Variants in SLC35E4 observed in about 807,000 individuals in gnomAD.
SLC35E4 encodes the protein solute carrier family 35, member E4.
Under a neutral mutation model 19.3 loss-of-function variants are expected in SLC35E4, and 15 were observed. That is an observed-to-expected ratio of 0.78 (90% confidence interval 0.52 to 1.20). The LOEUF is 1.20. Among genes scored for constraint, SLC35E4 ranks in the 50% most tolerant of loss-of-function variants. The probability of loss-of-function intolerance (pLI) is 0.00; values close to 1 mark genes in which losing one functional copy is unlikely to be tolerated. For synonymous variants in SLC35E4, 219 were observed against 219.9 expected, an observed-to-expected ratio of 1.00 and a Z score of 0.04; for missense variants, 406 against 472.3, an observed-to-expected ratio of 0.86 and a Z score of 1.30.
chr22:30,663,063 TG>T, exon 3 of SLC35E4: 1 of 200,110 alleles, frequency 5.0e-6, no homozygotes, highest in African/African-American at 2.3e-5. Flanking sequence ...GCTCTGGGTG[TG>T]AAAGAATGAG....
chr22:30,651,427 A>ATATATAT (rs1569062159), downstream of SLC35E4, among the ~76,000 whole-genome samples: 1 of 22,166 alleles, frequency 4.5e-5, no homozygotes, highest in Admixed American at 8.5e-4. Context: ...ATATATATAT[A>ATATATAT]TTTTTTTTTT....
chr22:30,642,635 G>A (rs2088061684), intron 1 of SLC35E4, among the ~76,000 whole-genome samples: 1 of 151,770 alleles, frequency 6.6e-6, no homozygotes, highest in South Asian at 2.1e-4. Flanking sequence ...CAGCTACTCG[G>A]GAGGCTGAGG....
chr22:30,648,549 C>T (rs150956510), downstream of SLC35E4, among the ~76,000 whole-genome samples: 627 of 152,202 alleles, frequency 4.1e-3, 11 homozygotes, highest in East Asian at 0.067. Context: ...GTCAGGGGTT[C>T]GAGACCAGCC....
downstream of SLC35E4, chr22:30,665,621 C>T: frequency 2.2e-6 from 1 of 458,370 alleles, no homozygotes. Flanking sequence ...ACCAACTCTG[C>T]TCCAGGCTTT....
Position 30,646,800 on chromosome 22 carries a change from C to T in SLC35E4, c.822C>T (p.Ser274=). ...LSVLYNLASF[S]LLALTSALTV... is the part of the protein sequence containing the mutation. ...TTCTCTATAACCTGGCCAGCTTCTCCCTGCTGGCCCTCACCTCTGCCCTCA... is the reference window on the plus strand; with the variant it reads ...TTCTCTATAACCTGGCCAGCTTCTCTCTGCTGGCCCTCACCTCTGCCCTCA... The change falls in exon 2 of 2, where the codon TCC becomes TCT. Residue 274 remains serine (S), a synonymous_variant. Coordinates refer to ENST00000343605, the MANE Select transcript of SLC35E4 (RefSeq NM_001001479.4). The T allele has an allele frequency of 6.2e-7, 1 of 1,614,208 alleles. No homozygotes were observed. Among genetic ancestry groups the T allele is most frequent in the South Asian group, 1.1e-5 (1 of 91,092 alleles).
At chr22:30,664,514 C>G (rs1413002932), downstream of SLC35E4, among the ~76,000 whole-genome samples, 1 of 152,226 alleles carries the variant, frequency 6.6e-6, no homozygotes, top group Non-Finnish European at 1.5e-5. Flanking sequence ...TCCAGCCCCT[C>G]TGAGTGGGAA....
At position 30,660,841 on chromosome 22, in the gene SLC35E4, AT is replaced by A. The variant is rs201034099; in HGVS notation, c.*9-1203del. On this transcript the variant is annotated intron_variant, in intron 2 of 2. Transcript: ENST00000406566. ...CATGGAGGCCAGAAGGCATAGAACAATTTTTTTTTTTTTTTTGAGATGGAGT... is the reference window on the plus strand; with the variant it reads ...CATGGAGGCCAGAAGGCATAGAACAATTTTTTTTTTTTTTTGAGATGGAGT... Among the ~76,000 whole-genome samples, 756 of 144,112 alleles carry A rather than the reference AT, an allele frequency of 5.2e-3. 2 individuals carry two copies. Among genetic ancestry groups the A allele is most frequent in the African/African-American group, 0.013 (493 of 39,432 alleles). The allele number at this position is 144,112 out of a possible 152,430, so 94.5% of individuals were successfully genotyped here. A position where few individuals can be genotyped will look rare whatever the true frequency, so the allele number is the denominator to read the frequency against.
chr22:30,648,184 C>T (rs2088164498), downstream of SLC35E4, among the ~76,000 whole-genome samples: 3 of 152,200 alleles, frequency 2.0e-5, no homozygotes, highest in Admixed American at 6.5e-5. Context: ...TTCCTCACTG[C>T]TCTTGGGACA....
chr22:30,664,431 G>A (rs1326546906), downstream of SLC35E4, among the ~76,000 whole-genome samples: 1 of 152,208 alleles, frequency 6.6e-6, no homozygotes, highest in Non-Finnish European at 1.5e-5. Flanking sequence ...TCCCTCAGCT[G>A]TGCCTTGGCC....
chr22:30,640,823 G>C (rs894233713), intron 1 of SLC35E4, among the ~76,000 whole-genome samples: 1 of 152,098 alleles, frequency 6.6e-6, no homozygotes, highest in Non-Finnish European at 1.5e-5. Context: ...CTCTCCCTTC[G>C]CCCTGAGATC....
chr22:30,635,817 C>A lies in SLC35E4; in HGVS notation c.-634C>A. The A allele has an allele frequency of 6.4e-6, 1 of 155,826 alleles. No individual in the cohort carries two copies. Among genetic ancestry groups the A allele is most frequent in the South Asian group, 1.8e-4 (1 of 5,592 alleles). 9.7% of individuals were successfully genotyped at this position (155,826 alleles called of 1,614,324 possible). A position where few individuals can be genotyped will look rare whatever the true frequency, so the allele number is the denominator to read the frequency against. ...CAGGAGCCGCAGCCGGAGTCACAGCCGCAGCCAGAGCCGCAGCCAAAGCCT... is the reference window on the plus strand; with the variant it reads ...CAGGAGCCGCAGCCGGAGTCACAGCAGCAGCCAGAGCCGCAGCCAAAGCCT... On this transcript the variant is annotated 5_prime_UTR_variant, in exon 1 of 2. Coordinates refer to ENST00000343605, the MANE Select transcript of SLC35E4 (RefSeq NM_001001479.4).
intron 1 of SLC35E4, among the ~76,000 whole-genome samples, chr22:30,637,462 G>C (rs1347938870): frequency 1.3e-5 from 2 of 152,140 alleles, no homozygotes. Flanking sequence ...ATTTTTAGTA[G>C]AGACAGCATT....
chr22:30,642,853 C>T (rs954624290), intron 1 of SLC35E4, among the ~76,000 whole-genome samples: 5 of 151,396 alleles, frequency 3.3e-5, no homozygotes, highest in African/African-American at 1.2e-4. Flanking sequence ...CACAGTGAAA[C>T]CCCGTCTCTA....
At chr22:30,644,920 A>G (rs1380362306) in intron 1 of SLC35E4, among the ~76,000 whole-genome samples, 1 of 152,136 alleles carries the variant, frequency 6.6e-6, no homozygotes, top group South Asian at 2.1e-4. Flanking sequence ...CCTGCCTTAC[A>G]AAGTGAAAAG....
downstream of SLC35E4, among the ~76,000 whole-genome samples, chr22:30,648,675 A>G (rs1290641714): frequency 6.6e-6 from 1 of 152,160 alleles, no homozygotes; most frequent in East Asian, 1.9e-4. Context: ...GGTTGCAGTG[A>G]GCCGAGATTG....
chr22:30,651,490 G>A (rs1315052350), downstream of SLC35E4, among the ~76,000 whole-genome samples: 4 of 124,274 alleles, frequency 3.2e-5, no homozygotes. Flanking sequence ...ATGTTACCCA[G>A]ACTGGTCTTG....
At chr22:30,657,402 TAA>T (rs941738095) in intron 2 of SLC35E4, among the ~76,000 whole-genome samples, 1 of 145,620 alleles carries the variant, frequency 6.9e-6, no homozygotes, top group Non-Finnish European at 1.5e-5. Flanking sequence ...GAGGTTGCAG[TAA>T]GCCGAGATCA....
downstream of SLC35E4, among the ~76,000 whole-genome samples, chr22:30,651,393 G>GTATA (rs2088209451): frequency 2.0e-5 from 1 of 49,368 alleles, no homozygotes; most frequent in African/African-American, 1.3e-4. Context: ...GTGTGTGTGT[G>GTATA]TGTGTGTATA....
rs1389885454 is a variant in SLC35E4, at chr22:30,646,626, C to A, written c.648C>A (p.Asp216Glu). 2 of 1,606,134 alleles carry A rather than the reference C, an allele frequency of 1.2e-6. No homozygotes were observed. Among genetic ancestry groups the A allele is most frequent in the Admixed American group, 1.7e-5 (1 of 59,730 alleles). Residue 216 changes from aspartate to glutamate, a missense_variant, in exon 2 of 2, where the codon GAC (aspartate) becomes GAA (glutamate). By Grantham distance (45) the Asp-to-Glu change is conservative. Transcript: ENST00000343605. ...QSALLQEERL[D>E]AVTLLYATSL... ...CCCTGCTGCAGGAGGAGAGGCTGGA[C>A]GCGGTGACCCTGCTTTACGCCACCT...
Sources: allele counts gnomAD v4.1 joint callset (sites outside exome capture counted in the v4.1 genomes callset), GRCh38; gene constraint gnomAD v4.1.1; transcripts MANE v1.5; gene names NCBI Gene and HGNC (gene_info 2026-07-23, HGNC 2026-07-21).